The following CCDC88C variants were observed in gnomAD, a reference collection of about 807,000 sequenced individuals.
The protein encoded by CCDC88C is coiled-coil and HOOK domain protein 88C.
CCDC88C carries 131 observed loss-of-function variants against 198.8 expected under a neutral mutation model. That is an observed-to-expected ratio of 0.66 (90% CI 0.57 to 0.76). The LOEUF (loss-of-function observed/expected upper bound fraction) is 0.76, where lower values mean the gene tolerates loss of function less well. Ranked by LOEUF, CCDC88C falls within the 30% of genes least tolerant of loss-of-function variation. The pLI is 0.00. For synonymous variants in CCDC88C, 1,166 were observed against 1,114.7 expected, an observed-to-expected ratio of 1.05 and a Z score of -0.92; for missense variants, 2,553 against 2,631.6, an observed-to-expected ratio of 0.97 and a Z score of 0.65.
chr14:91,355,335 G>A (rs1393656767), intron 4 of CCDC88C, among the ~76,000 whole-genome samples: 1 of 152,164 alleles, frequency 6.6e-6, no homozygotes, highest in East Asian at 1.9e-4. Context: ...CGGCACTCAG[G>A]CCCCAGAAGC....
intron 3 of CCDC88C, chr14:91,384,505 T>A: frequency 1.9e-6 from 1 of 523,312 alleles, no homozygotes; most frequent in Non-Finnish European, 3.9e-6. Flanking sequence ...TTCTTCCCCT[T>A]CCTCATCTGC....
At chr14:91,277,431 GC>G (rs1890011300) in intron 29 of CCDC88C, among the ~76,000 whole-genome samples, 1 of 152,234 alleles carries the variant, frequency 6.6e-6, no homozygotes, top group African/African-American at 2.4e-5. Flanking sequence ...TCGGATGTCA[GC>G]CATGTCCATC....
intron 23 of CCDC88C, among the ~76,000 whole-genome samples, chr14:91,292,732 T>G (rs1051623476): frequency 6.6e-6 from 1 of 152,082 alleles, no homozygotes; most frequent in Non-Finnish European, 1.5e-5. Flanking sequence ...CCCGATCACG[T>G]GGAAGGACAG....
intron 1 of CCDC88C, 132 bp downstream of exon 1, chr14:91,417,499 G>T: frequency 1.4e-6 from 1 of 700,482 alleles, no homozygotes. Context: ...CCCCGGCCGG[G>T]AGCCACTTGC....
Position 91,273,304 on chromosome 14 carries a change from C to A in CCDC88C, c.5408G>T (p.Arg1803Leu). ...APASRSASLS[R>L]AFSLASADLL... The stretch of plus-strand genomic sequence containing the variant: ...GTCAGCTGAGGCCAGGCTGAAGGCC[C>A]GGCTCAAGGAGGCACTGCGGCTGGC... Residue 1803 changes from arginine (R) to leucine (L), a missense_variant, in exon 30 of 30, where the codon CGG (arginine) becomes CTG (leucine). This residue lies in a region of CCDC88C where 1,293 missense variants were observed against 1,219.6 expected (regional missense o/e 1.06). Transcript: ENST00000389857. This position sits in a 1 kb window ranked among gnomAD's most constrained non-coding sequence, Gnocchi z 5.6. 6.4e-7 allele frequency: 1 copy of A among 1,557,692 alleles called. No individual in the cohort carries two copies. Among genetic ancestry groups the A allele is most frequent in the Non-Finnish European group, 8.7e-7 (1 of 1,149,682 alleles).
At chr14:91,409,945 C>G (rs888192335) in intron 2 of CCDC88C, among the ~76,000 whole-genome samples, 3 of 152,196 alleles carry the variant, frequency 2.0e-5, no homozygotes, top group Non-Finnish European at 4.4e-5. Context: ...CATAAACAAT[C>G]TATGGCACTC....
At chr14:91,275,556 C>A (rs550340879) in intron 29 of CCDC88C, among the ~76,000 whole-genome samples, 1 of 151,782 alleles carries the variant, frequency 6.6e-6, no homozygotes, top group East Asian at 1.9e-4. Flanking sequence ...CGGTTCACTG[C>A]AACCTGAGCC....
At chr14:91,358,563 G>T (rs867552784) in intron 4 of CCDC88C, among the ~76,000 whole-genome samples, 1 of 152,220 alleles carries the variant, frequency 6.6e-6, no homozygotes, top group Non-Finnish European at 1.5e-5. Context: ...TGAAAGGGAC[G>T]CAAGGCATTA....
chr14:91,296,123 C>T (rs964101332), intron 22 of CCDC88C, among the ~76,000 whole-genome samples: 2 of 152,280 alleles, frequency 1.3e-5, no homozygotes, highest in African/African-American at 4.8e-5. Context: ...CCCAGGGAGA[C>T]GAACATGGTT....
chr14:91,300,642 G>A (rs1328949308), intron 20 of CCDC88C, among the ~76,000 whole-genome samples: 1 of 152,116 alleles, frequency 6.6e-6, no homozygotes, highest in Non-Finnish European at 1.5e-5. Flanking sequence ...CATACACACA[G>A]CAGCTCTCCT....
intron 1 of CCDC88C, 29 bp from the exon 2 acceptor site, chr14:91,416,867 A>C: frequency 6.7e-7 from 1 of 1,500,668 alleles, no homozygotes; most frequent in Non-Finnish European, 9.2e-7. Context: ...GGAGAGAAAG[A>C]CAGGAAGTCA....
chr14:91,339,491 G>A lies in CCDC88C; in HGVS notation c.625-29C>T. The A allele has an allele frequency of 6.3e-7, 1 of 1,583,828 alleles. No individual in the cohort carries two copies. Among genetic ancestry groups the A allele is most frequent in the South Asian group, 1.1e-5 (1 of 87,454 alleles). ...CAGCCGGGCAGAGAGGGGGATGGAG[G>A]AGAACAAACGGGGTTAACCAGCACA... On this transcript the variant is annotated intron_variant, in intron 7 of 29. Transcript: ENST00000389857. The surrounding 1 kb of genome is among the most constrained non-coding windows in gnomAD (Gnocchi z 5.8).
chr14:91,318,002 G>A (rs577621953), intron 13 of CCDC88C, among the ~76,000 whole-genome samples: 1 of 152,250 alleles, frequency 6.6e-6, no homozygotes. Flanking sequence ...CTGGGGCAGC[G>A]TCGTGAGGAC....
In CCDC88C at chr14:91,272,776, G is replaced by A. The variant is rs919824349; in HGVS notation, c.5936C>T (p.Ala1979Val). Reference sequence around the variant, plus strand: ...ATCGGGAGACCGACCTGGGCTCTTGGCCGGAAGCCCCTCACTGCAGCCCTG... The same window carrying A: ...ATCGGGAGACCGACCTGGGCTCTTGACCGGAAGCCCCTCACTGCAGCCCTG... ...PGQGCSEGLP[A>V]KSPGRSPDLA... is the part of the protein sequence containing the mutation. The change falls in exon 30 of 30, where the codon GCC becomes GTC. Residue 1979 changes from alanine (A) to valine (V), a missense_variant. By Grantham distance (64) the Ala-to-Val change is moderately conservative. This residue lies in a region of CCDC88C where 1,293 missense variants were observed against 1,219.6 expected (regional missense o/e 1.06). Coordinates refer to ENST00000389857, the MANE Select transcript of CCDC88C (RefSeq NM_001080414.4). 2.5e-6 allele frequency: 4 copies of A among 1,606,414 alleles called. No individual in the cohort carries two copies. In the Admixed American group the frequency reaches 5.0e-5, roughly 20 times the overall value.
chr14:91,334,041 G>A (rs1892947877), intron 10 of CCDC88C, among the ~76,000 whole-genome samples: 1 of 152,126 alleles, frequency 6.6e-6, no homozygotes, highest in Admixed American at 6.5e-5. Context: ...TTCCTGAAAG[G>A]TCGAAATAAT....
intron 10 of CCDC88C, among the ~76,000 whole-genome samples, chr14:91,329,378 T>G (rs935058476): frequency 1.3e-5 from 2 of 152,200 alleles, no homozygotes; most frequent in African/African-American, 4.8e-5. Flanking sequence ...AATCTTGACA[T>G]TCCCTGATTA....
At chr14:91,308,807 C>T (rs1476046546) in intron 16 of CCDC88C, among the ~76,000 whole-genome samples, 1 of 152,154 alleles carries the variant, frequency 6.6e-6, no homozygotes, top group African/African-American at 2.4e-5. Context: ...GCAATTTGCC[C>T]AAGGTCACAG....
At chr14:91,383,377 CGTT>C (rs1884926236) in intron 3 of CCDC88C, among the ~76,000 whole-genome samples, 1 of 152,194 alleles carries the variant, frequency 6.6e-6, no homozygotes, top group Non-Finnish European at 1.5e-5. Flanking sequence ...GAAAGACTGT[CGTT>C]GTTTCCACCA....
At position 91,352,053 on chromosome 14, in the gene CCDC88C, T is replaced by C. The variant is rs150520130; in HGVS notation, c.340+7589A>G. On this transcript the variant is annotated intron_variant, in intron 4 of 29. Transcript: ENST00000389857. This position sits in a 1 kb window ranked among gnomAD's most constrained non-coding sequence, Gnocchi z 4.2. ...TTTGCCCTGGGAAGGGGCGAGGAGC[T>C]AGGGCAGGCAGGGGACGCTCTGGGA... Among the ~76,000 whole-genome samples, 628 of 152,318 alleles carry C rather than the reference T, an allele frequency of 4.1e-3. 13 individuals carry two copies. Among genetic ancestry groups the C allele is most frequent in the Admixed American group, 0.034 (519 of 15,306 alleles).
Sources: allele counts gnomAD v4.1 joint callset (sites outside exome capture counted in the v4.1 genomes callset), GRCh38; gene constraint gnomAD v4.1.1; regional missense constraint gnomAD v4.1.1; non-coding constraint Gnocchi (gnomAD v3.1); transcripts MANE v1.5; gene names NCBI Gene and HGNC (gene_info 2026-07-23, HGNC 2026-07-21).